SYT16: variants seen among roughly 807,000 people sequenced by gnomAD.
SYT16 encodes synaptotagmin-16.
A neutral mutation model predicts 61.4 loss-of-function variants in SYT16; 42 were observed. The observed-to-expected ratio is 0.68, with a 90% confidence interval of 0.53 to 0.89. The LOEUF (loss-of-function observed/expected upper bound fraction) is 0.89, where lower values mean the gene tolerates loss of function less well. Among genes scored for constraint, SYT16 ranks in the 40% least tolerant of loss-of-function variants. The probability of loss-of-function intolerance (pLI) is 0.00; values close to 1 mark genes in which losing one functional copy is unlikely to be tolerated. For synonymous variants in SYT16, 314 were observed against 302.3 expected, an observed-to-expected ratio of 1.04 and a Z score of -0.40; for missense variants, 804 against 807.3, an observed-to-expected ratio of 1.00 and a Z score of 0.05.
intron 3 of SYT16, among the ~76,000 whole-genome samples, chr14:62,064,334 G>GAAAAAAAAAAA (rs781727444): frequency 8.1e-4 from 35 of 42,984 alleles, no homozygotes; most frequent in African/African-American, 1.2e-3. Flanking sequence ...CTTTAAATTT[G>GAAAAAAAAAAA]AAAAAAAAAA....
chr14:61,961,580 C>T (rs1379091834), intron 1 of SYT16, among the ~76,000 whole-genome samples: 1 of 152,112 alleles, frequency 6.6e-6, no homozygotes, highest in Non-Finnish European at 1.5e-5. Flanking sequence ...CATCGTATAC[C>T]AGTCACAATG....
intron 7 of SYT16, among the ~76,000 whole-genome samples, chr14:62,098,480 T>G (rs941750322): frequency 6.6e-6 from 1 of 152,210 alleles, no homozygotes; most frequent in Admixed American, 6.5e-5. Flanking sequence ...ATCATGTTAG[T>G]AAAATTTGAG....
At chr14:61,987,898 C>T (rs548604911) in intron 2 of SYT16, among the ~76,000 whole-genome samples, 2 of 151,956 alleles carry the variant, frequency 1.3e-5, no homozygotes, top group Non-Finnish European at 2.9e-5. Flanking sequence ...TCATTTTTGG[C>T]CTACTTTTGA....
chr14:61,933,218 A>G (rs2049847008), intron 1 of SYT16, among the ~76,000 whole-genome samples: 1 of 152,214 alleles, frequency 6.6e-6, no homozygotes, highest in African/African-American at 2.4e-5. Flanking sequence ...GCTGCCTGTC[A>G]GAGATGAGAG....
At chr14:61,955,047 G>A (rs1209990000) in intron 1 of SYT16, among the ~76,000 whole-genome samples, 2 of 151,972 alleles carry the variant, frequency 1.3e-5, no homozygotes, top group Non-Finnish European at 1.5e-5. Flanking sequence ...CCATAATGTA[G>A]CATGTATTAG....
chr14:62,078,387 C>T (rs1048032190), intron 5 of SYT16, among the ~76,000 whole-genome samples: 3 of 151,928 alleles, frequency 2.0e-5, no homozygotes, highest in African/African-American at 4.8e-5. Flanking sequence ...GGGGAGAGAG[C>T]GTGTTAGTTA....
intron 1 of SYT16, among the ~76,000 whole-genome samples, chr14:61,907,069 C>T (rs552439560): frequency 6.6e-6 from 1 of 152,372 alleles, no homozygotes; most frequent in South Asian, 2.1e-4. Context: ...GAGGCAGAGA[C>T]AAGCTCCCTT....
intron 1 of SYT16, among the ~76,000 whole-genome samples, chr14:61,967,993 G>A (rs139674741): frequency 4.7e-4 from 72 of 152,218 alleles, no homozygotes; most frequent in African/African-American, 1.7e-3. Flanking sequence ...GGGTGCGGTG[G>A]CTCATGCCTG....
At chr14:61,905,784 A>T (rs1421639124) in intron 1 of SYT16, among the ~76,000 whole-genome samples, 1 of 147,224 alleles carries the variant, frequency 6.8e-6, no homozygotes, top group African/African-American at 2.5e-5. Flanking sequence ...TTGGGGATAA[A>T]TCTCGCTCTG....
chr14:61,911,010 A>C (rs2048913872), intron 1 of SYT16, among the ~76,000 whole-genome samples: 1 of 152,230 alleles, frequency 6.6e-6, no homozygotes, highest in Admixed American at 6.5e-5. Context: ...ATTCTCTGGC[A>C]ACAGCATGTG....
At chr14:62,021,458 T>G (rs1274161025) in intron 3 of SYT16, among the ~76,000 whole-genome samples, 2 of 146,306 alleles carry the variant, frequency 1.4e-5, no homozygotes, top group Non-Finnish European at 3.0e-5. Context: ...GAGGTTATTT[T>G]ATTTTATTAT....
chr14:61,830,555 C>T (rs1459287985), intron 1 of SYT16, among the ~76,000 whole-genome samples: 1 of 152,152 alleles, frequency 6.6e-6, no homozygotes, highest in African/African-American at 2.4e-5. Flanking sequence ...CGGTTGATTT[C>T]ACACATGGAC....
intron 1 of SYT16, among the ~76,000 whole-genome samples, chr14:61,954,379 A>G (rs2050790259): frequency 6.7e-6 from 1 of 149,938 alleles, no homozygotes; most frequent in Non-Finnish European, 1.5e-5. Flanking sequence ...ACTGTGTGAC[A>G]TGCTGAAGCA....
At chr14:61,868,328 T>A (rs189584220) in intron 1 of SYT16, among the ~76,000 whole-genome samples, 6 of 152,042 alleles carry the variant, frequency 3.9e-5, no homozygotes, top group Middle Eastern at 3.4e-3. Context: ...TTTAAAAAAA[T>A]TTTATTTCCT....
Position 62,075,003 on chromosome 14 carries a change from T to A in SYT16, c.737-132T>A, listed in dbSNP as rs144325597. ...TCTTCACTGTATGGATAGAATTATG[T>A]TTCTGCAGGTATTATTGGTATGGGT... On this transcript the variant is annotated intron_variant, in intron 4 of 7. Transcript: ENST00000683842. 545 of 938,818 alleles carry A rather than the reference T, an allele frequency of 5.8e-4. 1 individual carries two copies. In the African/African-American group the frequency reaches 8.2e-3, roughly 14 times the overall value. The allele number at this position is 938,818 out of a possible 1,614,324, so 58.2% of individuals were successfully genotyped here.
At chr14:62,011,926 C>CACATATATATATATATATATATAT (rs1555370087) in intron 3 of SYT16, among the ~76,000 whole-genome samples, 8 of 132,816 alleles carry the variant, frequency 6.0e-5, no homozygotes, top group Non-Finnish European at 7.6e-5. Flanking sequence ...CACACACACA[C>CACATATATATATATATATATATAT]ATATATATAT....
At chr14:61,889,068 G>C (rs1024477215) in intron 1 of SYT16, among the ~76,000 whole-genome samples, 1 of 152,186 alleles carries the variant, frequency 6.6e-6, no homozygotes, top group Admixed American at 6.5e-5. Flanking sequence ...GGTAAAGTTG[G>C]TAAGGCAGAC....
intron 1 of SYT16, among the ~76,000 whole-genome samples, chr14:61,950,652 T>G (rs917376594): frequency 4.6e-5 from 7 of 152,204 alleles, no homozygotes; most frequent in African/African-American, 1.7e-4. Flanking sequence ...GGCAGCCTAC[T>G]TGGTTCACAG....
intron 1 of SYT16, among the ~76,000 whole-genome samples, chr14:61,943,216 G>A (rs1229473787): frequency 6.6e-6 from 1 of 152,142 alleles, no homozygotes; most frequent in Non-Finnish European, 1.5e-5. Context: ...CCAGTAACAA[G>A]TTCTGAAATT....
Sources: gnomAD v4.1 joint callset for allele counts (sites outside exome capture counted in the v4.1 genomes callset) on GRCh38, gnomAD v4.1.1 for gene constraint, MANE v1.5 for transcripts, NCBI Gene and HGNC (gene_info 2026-07-23, HGNC 2026-07-21) for gene names.